PRRC2B: variants seen among roughly 807,000 people sequenced by gnomAD.
PRRC2B encodes the protein protein PRRC2B.
PRRC2B carries 68 observed loss-of-function variants against 242.3 expected under a neutral mutation model. The observed-to-expected ratio is 0.28, with a 90% CI of 0.23 to 0.34. The LOEUF (loss-of-function observed/expected upper bound fraction) is 0.34. Ranked by LOEUF, PRRC2B falls within the 10% of genes least tolerant of loss-of-function variation. PRRC2B has a pLI of 1.00. For synonymous variants in PRRC2B, 1,228 were observed against 1,173.6 expected (o/e 1.05, Z -0.95); for missense variants, 2,835 against 2,954.8 (o/e 0.96, Z 0.94).
At position 131,394,265 on chromosome 9, in the gene PRRC2B, T is replaced by TGGGTCG. The variant is rs1383454786; in HGVS notation, c.-52+6_-52+11dup. 5 of 144,496 alleles carry TGGGTCG rather than the reference T, an allele frequency of 3.5e-5. No individual in the cohort carries two copies. Among genetic ancestry groups the TGGGTCG allele is most frequent in the South Asian group, 3.8e-4 (2 of 5,310 alleles). 9.0% of individuals were successfully genotyped at this position (144,496 alleles called of 1,614,324 possible). On this transcript the variant is annotated splice_region_variant and intron_variant, in intron 1 of 31. Transcript: ENST00000683519. ...GCCGCGCCCGCGGAACCAGACCAGGTGGGTCGGGGCCGGGGCCGGGGCCGG... is the reference window on the plus strand; with the variant it reads ...GCCGCGCCCGCGGAACCAGACCAGGTGGGTCGGGGTCGGGGCCGGGGCCGGGGCCGG...
rs116403721 is a variant in PRRC2B at position 131,477,429 on chromosome 9, G to C, written c.4407-315G>C. Among the ~76,000 whole-genome samples, 1,448 of 152,324 alleles carry C rather than the reference G, an allele frequency of 9.5e-3. 29 individuals are homozygous for C. Among genetic ancestry groups the C allele is most frequent in the African/African-American group, 0.033 (1,370 of 41,584 alleles). ...GGCAGGGCAGTCCTGGAGAGGAGCA[G>C]AAATGCTGGCGTCTCCATTCTGAGC... On this transcript the variant is annotated intron_variant, in intron 16 of 31. Transcript: ENST00000683519.
Position 131,426,712 on chromosome 9 carries a change from G to A in PRRC2B, c.-51-3382G>A, listed in dbSNP as rs955323449. Among the ~76,000 whole-genome samples the A allele has an allele frequency of 2.6e-5, 4 of 152,228 alleles. No homozygotes were observed. The East Asian group carries it at 7.7e-4, about 29-fold the overall frequency. On this transcript the variant is annotated intron_variant, in intron 1 of 31. Coordinates refer to ENST00000683519, the MANE Select transcript of PRRC2B (RefSeq NM_013318.4). ...TGGGGAGGGCTGCTGGGGTCAAGCAGCTGCTGGCAGGTAACTTGGGGGCAG... is the reference window on the plus strand; with the variant it reads ...TGGGGAGGGCTGCTGGGGTCAAGCAACTGCTGGCAGGTAACTTGGGGGCAG...
chr9:131,482,235 C>A lies in PRRC2B; in HGVS notation c.4984-136C>A. Reference sequence around the variant, plus strand: ...AAGTTGTCAGGCATCCTCAGCAGGGCAGGATCAAGATCAGGACCAGACTTG... The same window carrying A: ...AAGTTGTCAGGCATCCTCAGCAGGGAAGGATCAAGATCAGGACCAGACTTG... On this transcript the variant is annotated intron_variant, in intron 20 of 31. Transcript: ENST00000683519. This position sits in a 1 kb window ranked among gnomAD's most constrained non-coding sequence, Gnocchi z 5.2. The A allele has an allele frequency of 3.1e-6, 3 of 961,786 alleles. No homozygotes were observed. Among genetic ancestry groups the A allele is most frequent in the Non-Finnish European group, 3.1e-6 (2 of 636,124 alleles). The allele number at this position is 961,786 out of a possible 1,614,324, so 59.6% of individuals were successfully genotyped here.
rs1473364496 is a variant in PRRC2B at position 131,420,916 on chromosome 9, A to G, written c.-51-9178A>G. On this transcript the variant is annotated intron_variant, in intron 1 of 31. Transcript: ENST00000683519. Reference sequence around the variant, plus strand: ...ACCCACCTGGTTCCCCCACCCTGATATGCACACAAGTTCATCATCATCTTG... The same window carrying G: ...ACCCACCTGGTTCCCCCACCCTGATGTGCACACAAGTTCATCATCATCTTG... 2.0e-5 allele frequency among the ~76,000 whole-genome samples: 3 copies of G among 152,262 alleles called. No homozygotes were observed. The East Asian group carries it at 5.8e-4, about 29-fold the overall frequency.
chr9:131,384,073 A>G (rs1836796994), intron 1 of PRRC2B, among the ~76,000 whole-genome samples: 1 of 136,010 alleles, frequency 7.4e-6, no homozygotes, highest in Non-Finnish European at 1.5e-5. Context: ...ACGTACCACC[A>G]TACCCGGCTA....
intron 1 of PRRC2B, among the ~76,000 whole-genome samples, chr9:131,414,949 A>G (rs980014022): frequency 6.6e-6 from 1 of 151,638 alleles, no homozygotes; most frequent in African/African-American, 2.4e-5. Context: ...CCTGGATCCT[A>G]TTTGTATTGG....
intron 9 of PRRC2B, among the ~76,000 whole-genome samples, chr9:131,449,208 GGTAA>G (rs780747104): frequency 5.3e-5 from 8 of 151,918 alleles, no homozygotes; most frequent in Non-Finnish European, 1.0e-4. Flanking sequence ...ATTTCTCTTG[GGTAA>G]GTATCTAGAA....
chr9:131,467,425 AG>A, intron 12 of PRRC2B, 137 bp from the exon 13 acceptor site: 2 of 732,784 alleles, frequency 2.7e-6, no homozygotes, highest in East Asian at 2.7e-5. Context: ...CGTTTGGCAC[AG>A]GGCCAGGGTT....
chr9:131,423,229 G>C (rs1322116393), intron 1 of PRRC2B, among the ~76,000 whole-genome samples: 1 of 152,220 alleles, frequency 6.6e-6, no homozygotes, highest in Non-Finnish European at 1.5e-5. Context: ...GCCGGGTCTA[G>C]TCCCACAGAC....
intron 9 of PRRC2B, among the ~76,000 whole-genome samples, chr9:131,451,622 A>G (rs1942921878): frequency 6.6e-6 from 1 of 152,082 alleles, no homozygotes; most frequent in Non-Finnish European, 1.5e-5. Context: ...CTTCTAGTAT[A>G]ATATTAACCT....
chr9:131,386,342 C>T (rs1836825715), intron 1 of PRRC2B, among the ~76,000 whole-genome samples: 1 of 150,152 alleles, frequency 6.7e-6, no homozygotes, highest in Non-Finnish European at 1.5e-5. Context: ...GTCTTGAACT[C>T]CTGGGTTCAA....
chr9:131,447,986 C>T, intron 9 of PRRC2B, 182 bp downstream of exon 9: 4 of 489,886 alleles, frequency 8.2e-6, no homozygotes, highest in Non-Finnish European at 1.4e-5. Flanking sequence ...GAGGTTCCTT[C>T]CTGGCCAAGC....
intron 13 of PRRC2B, among the ~76,000 whole-genome samples, chr9:131,468,866 T>G (rs537909189): frequency 1.0e-3 from 159 of 152,286 alleles, no homozygotes; most frequent in African/African-American, 3.6e-3. Flanking sequence ...GGGACCGCCT[T>G]TAATGTGATT....
At chr9:131,469,195 G>A (rs1333793136) in intron 13 of PRRC2B, among the ~76,000 whole-genome samples, 2 of 152,128 alleles carry the variant, frequency 1.3e-5, no homozygotes, top group Non-Finnish European at 2.9e-5. Flanking sequence ...TTAGCCAGGC[G>A]TGGTGCCGCA....
intron 1 of PRRC2B, among the ~76,000 whole-genome samples, chr9:131,401,432 A>G (rs1427730439): frequency 6.8e-6 from 1 of 147,472 alleles, no homozygotes; most frequent in Non-Finnish European, 1.5e-5. Context: ...CCCAGGCTGG[A>G]GTGCAGTGGC....
chr9:131,379,903 C>T (rs964030471), intron 1 of PRRC2B, among the ~76,000 whole-genome samples: 6 of 151,340 alleles, frequency 4.0e-5, no homozygotes, highest in South Asian at 2.1e-4. Context: ...GGATTACAGG[C>T]GTCAGCTACC....
chr9:131,434,908 T>A (rs555086686), intron 3 of PRRC2B, among the ~76,000 whole-genome samples: 2 of 152,296 alleles, frequency 1.3e-5, no homozygotes, highest in African/African-American at 4.8e-5. Context: ...CTGGCAATCA[T>A]TTAAACTTCA....
chr9:131,430,628 T>C (rs1404896649), intron 2 of PRRC2B, among the ~76,000 whole-genome samples: 2 of 150,526 alleles, frequency 1.3e-5, no homozygotes, highest in African/African-American at 4.9e-5. Flanking sequence ...AGTCTCACTC[T>C]GTCACCCAGG....
intron 28 of PRRC2B, chr9:131,490,489 C>T (rs758275457): frequency 1.9e-6 from 1 of 519,128 alleles, no homozygotes; most frequent in Non-Finnish European, 3.8e-6. Context: ...CCACAAGTCT[C>T]AGTGATGTAA....
Sources: allele counts gnomAD v4.1 joint callset (sites outside exome capture counted in the v4.1 genomes callset), GRCh38; gene constraint gnomAD v4.1.1; non-coding constraint Gnocchi (gnomAD v3.1); transcripts MANE v1.5; gene names NCBI Gene and HGNC (gene_info 2026-07-23, HGNC 2026-07-21).